PDK3: variants seen among roughly 807,000 people sequenced by gnomAD.
The protein encoded by PDK3 is pyruvate dehydrogenase kinase, isozyme 3.
PDK3 carries 12 observed loss-of-function variants against 32.0 expected under a neutral mutation model. The ratio of observed to expected loss-of-function variants is 0.37; its 90% CI spans 0.24 to 0.61. The LOEUF (loss-of-function observed/expected upper bound fraction) is 0.61. PDK3 is among the 20% of genes least tolerant of loss of function. The pLI, the probability that PDK3 is intolerant of heterozygous loss-of-function variation, is 0.65. For synonymous variants in PDK3, 122 were observed against 116.3 expected (o/e 1.05, Z -0.31); for missense variants, 188 against 316.9 (o/e 0.59, Z 3.09).
chrX:24,542,957 A>G (rs1262751701), exon 12 of PDK3, among the ~76,000 whole-genome samples: 1 of 111,961 alleles, frequency 8.9e-6, no homozygotes, highest in South Asian at 3.7e-4. Context: ...TTCTCTGGAG[A>G]CAGGATGTTA....
At chrX:24,494,979 C>A in intron 2 of PDK3, 96 bp downstream of exon 2, 1 of 742,480 alleles carries the variant, frequency 1.3e-6, no homozygotes, top group Non-Finnish European at 2.0e-6. Context: ...TACTGCCCGT[C>A]TAGGTAGGAA....
At chrX:24,483,337 A>G (rs1205933396) in intron 1 of PDK3, among the ~76,000 whole-genome samples, 1 of 111,913 alleles carries the variant, frequency 8.9e-6, no homozygotes, top group African/African-American at 3.3e-5. Context: ...CTAGATTCTA[A>G]ACTCCCTTCT....
At chrX:24,477,865 T>C (rs1195264684) in intron 1 of PDK3, among the ~76,000 whole-genome samples, 17 of 112,279 alleles carry the variant, frequency 1.5e-4, no homozygotes, top group Non-Finnish European at 7.5e-5. Flanking sequence ...TGCTAAGCTC[T>C]CAGAGTAGTT....
intron 1 of PDK3, among the ~76,000 whole-genome samples, chrX:24,487,254 T>G (rs1921424488): frequency 8.9e-6 from 1 of 112,439 alleles, no homozygotes; most frequent in Non-Finnish European, 1.9e-5. Context: ...AATTAATGAC[T>G]TATTCTAAAA....
chrX:24,514,274 G>A (rs963795152), intron 5 of PDK3, among the ~76,000 whole-genome samples: 1 of 112,001 alleles, frequency 8.9e-6, no homozygotes, highest in South Asian at 3.7e-4. Context: ...TTAGTCTAAT[G>A]CATTTACAGT....
rs144136802 is a variant in PDK3 at position 24,527,080 on chromosome X, C to T, written c.751-494C>T. Among the ~76,000 whole-genome samples, 362 of 111,252 alleles carry T rather than the reference C, an allele frequency of 3.3e-3. 7 individuals are homozygous for T. In the East Asian group the frequency reaches 0.07, roughly 22 times the overall value. On this transcript the variant is annotated intron_variant, in intron 7 of 10. Coordinates refer to ENST00000379162, the MANE Select transcript of PDK3 (RefSeq NM_005391.5). ...GGCTTTTTCAGAATTTCTTTTTAAC[C>T]AATATTTCTTCTACTTTTTTCAGCC...
At chrX:24,470,844 A>G (rs764554923) in intron 1 of PDK3, among the ~76,000 whole-genome samples, 14 of 109,503 alleles carry the variant, frequency 1.3e-4, no homozygotes, top group African/African-American at 4.6e-4. Flanking sequence ...TGAGTAGGTT[A>G]GTTGATGATT....
intron 1 of PDK3, among the ~76,000 whole-genome samples, chrX:24,480,474 G>T (rs1210809034): frequency 1.8e-5 from 2 of 112,204 alleles, no homozygotes; most frequent in African/African-American, 6.5e-5. Flanking sequence ...CCTGAAATGA[G>T]TGACACCTGC....
chrX:24,496,566 A>ATTTTTTTTTTTTTT (rs1921707593), intron 2 of PDK3, among the ~76,000 whole-genome samples: 1 of 41,133 alleles, frequency 2.4e-5, no homozygotes, highest in African/African-American at 1.0e-4. Flanking sequence ...TACTACCCCC[A>ATTTTTTTTTTTTTT]TCTTTTTTTT....
At chrX:24,544,979 G>A (rs1274775814) in exon 12 of PDK3, among the ~76,000 whole-genome samples, 1 of 112,409 alleles carries the variant, frequency 8.9e-6, no homozygotes, top group Non-Finnish European at 1.9e-5. Flanking sequence ...TGTGTGGAAA[G>A]ATAACTTTTA....
chrX:24,497,008 C>A (rs990701927), intron 2 of PDK3, among the ~76,000 whole-genome samples: 1 of 108,612 alleles, frequency 9.2e-6, no homozygotes, highest in African/African-American at 3.4e-5. Context: ...TCTCGATCTC[C>A]TGACCTTGTG....
exon 12 of PDK3, among the ~76,000 whole-genome samples, chrX:24,544,948 C>T (rs1197469959): frequency 1.8e-5 from 2 of 112,111 alleles, no homozygotes; most frequent in African/African-American, 3.2e-5. Flanking sequence ...TTAATCAATA[C>T]GGGATTTTTG....
chrX:24,547,858 G>A (rs1228715090), exon 12 of PDK3: 3 of 112,723 alleles, frequency 2.7e-5, no homozygotes, highest in Non-Finnish European at 3.8e-5. Flanking sequence ...TGAAAGCATC[G>A]CGTCCACGCC....
intron 6 of PDK3, among the ~76,000 whole-genome samples, chrX:24,521,529 A>G (rs1025877321): frequency 9.0e-6 from 1 of 110,763 alleles, no homozygotes; most frequent in Non-Finnish European, 1.9e-5. Context: ...AGTGTTCCTG[A>G]TGAGAACCAT....
chrX:24,518,009 T>C (rs949581980), intron 5 of PDK3, among the ~76,000 whole-genome samples: 3 of 112,457 alleles, frequency 2.7e-5, no homozygotes, highest in African/African-American at 9.7e-5. Flanking sequence ...ATGACAAATA[T>C]TCTTTTGCTA....
At chrX:24,521,640 C>T (rs922281742) in intron 6 of PDK3, among the ~76,000 whole-genome samples, 6 of 111,750 alleles carry the variant, frequency 5.4e-5, no homozygotes, top group African/African-American at 2.0e-4. Flanking sequence ...CAGCCTCCCT[C>T]ATTCTAAAGG....
chrX:24,499,195 T>C (rs1921791807), intron 3 of PDK3: 1 of 156,868 alleles, frequency 6.4e-6, no homozygotes, highest in African/African-American at 3.1e-5. Flanking sequence ...TTCCATCTAG[T>C]GGTAGTTTTA....
chrX:24,523,813 G>A (rs934795733), intron 6 of PDK3, among the ~76,000 whole-genome samples: 5 of 111,923 alleles, frequency 4.5e-5, no homozygotes, highest in African/African-American at 1.6e-4. Flanking sequence ...GTCTTGACCA[G>A]TCCAGAGAGC....
At chrX:24,485,526 C>T (rs539529458) in intron 1 of PDK3, among the ~76,000 whole-genome samples, 1 of 110,911 alleles carries the variant, frequency 9.0e-6, no homozygotes, top group South Asian at 3.8e-4. Flanking sequence ...AGCAACGCAG[C>T]AGACCAGTAG....
Sources: allele counts gnomAD v4.1 joint callset (sites outside exome capture counted in the v4.1 genomes callset), GRCh38; gene constraint gnomAD v4.1.1; transcripts MANE v1.5; gene names NCBI Gene and HGNC (gene_info 2026-07-23, HGNC 2026-07-21).